Variants in KLF12 observed in about 807,000 individuals in gnomAD.
KLF12 encodes Krueppel-like factor 12.
KLF12 carries 9 observed loss-of-function variants against 37.8 expected under a neutral mutation model. The observed-to-expected ratio is 0.24, with a 90% CI of 0.14 to 0.42. The LOEUF is 0.42. Among genes scored for constraint, KLF12 ranks in the 10% least tolerant of loss-of-function variants. KLF12 has a pLI of 1.00. For synonymous variants in KLF12, 208 were observed against 202.1 expected (o/e 1.03, Z -0.25); for missense variants, 411 against 516.0 (o/e 0.80, Z 1.97).
At chr13:74,014,007 C>G (rs1002886221) in intron 1 of KLF12, among the ~76,000 whole-genome samples, 9 of 152,106 alleles carry the variant, frequency 5.9e-5, no homozygotes, top group Admixed American at 5.2e-4. Context: ...AAACACTCAC[C>G]TGGAATTATT....
the KLF12 span, among the ~76,000 whole-genome samples, chr13:74,184,367 G>A: frequency 9.1e-4 from 138 of 152,074 alleles, 8 homozygotes; most frequent in South Asian, 2.1e-4. Flanking sequence ...ACTTCTGTGA[G>A]AGCCAGAAAT....
intron 3 of KLF12, among the ~76,000 whole-genome samples, chr13:73,896,071 T>G (rs1043584904): frequency 2.6e-5 from 4 of 152,160 alleles, no homozygotes; most frequent in Admixed American, 1.3e-4. Flanking sequence ...TCCACCCACC[T>G]TGGCCTCCTA....
intron 1 of KLF12, among the ~76,000 whole-genome samples, chr13:74,022,950 G>A (rs1229274851): frequency 1.4e-5 from 1 of 74,004 alleles, no homozygotes; most frequent in African/African-American, 5.2e-5. Flanking sequence ...CCAAATGGCA[G>A]GCTGCATCCC....
chr13:74,207,001 T>C, the KLF12 span, among the ~76,000 whole-genome samples: 2 of 152,174 alleles, frequency 1.3e-5, no homozygotes, highest in Non-Finnish European at 2.9e-5. Flanking sequence ...GAACAGAAAT[T>C]TATTGGCTCA....
intron 3 of KLF12, among the ~76,000 whole-genome samples, chr13:73,907,374 T>C (rs1888351338): frequency 2.0e-5 from 3 of 152,146 alleles, no homozygotes; most frequent in South Asian, 4.1e-4. Flanking sequence ...TCATACAGCA[T>C]TCTCCACATT....
chr13:74,123,684 T>A (rs1176329166), intron 1 of KLF12, among the ~76,000 whole-genome samples: 1 of 152,210 alleles, frequency 6.6e-6, no homozygotes, highest in Non-Finnish European at 1.5e-5. Flanking sequence ...TGGAAGAAGG[T>A]AAAAATTCAT....
At chr13:73,857,324 G>A (rs1184151989) in intron 3 of KLF12, among the ~76,000 whole-genome samples, 1 of 152,160 alleles carries the variant, frequency 6.6e-6, no homozygotes, top group South Asian at 2.1e-4. Context: ...AGAAAACTTT[G>A]TTAGATGACT....
chr13:74,255,719 G>C, the KLF12 span, among the ~76,000 whole-genome samples: 1 of 152,072 alleles, frequency 6.6e-6, no homozygotes, highest in African/African-American at 2.4e-5. Flanking sequence ...TTGTATATAG[G>C]AGAACTAACT....
intron 6 of KLF12, among the ~76,000 whole-genome samples, chr13:73,762,250 G>C (rs1879612537): frequency 2.0e-5 from 3 of 152,156 alleles, no homozygotes; most frequent in Non-Finnish European, 4.4e-5. Flanking sequence ...TTCAATTCCA[G>C]TGGATTTTGT....
At chr13:73,786,435 C>T (rs1383317702) in intron 5 of KLF12, among the ~76,000 whole-genome samples, 1 of 152,086 alleles carries the variant, frequency 6.6e-6, no homozygotes, top group Non-Finnish European at 1.5e-5. Context: ...CATGTTCTAC[C>T]CCTAACCCAC....
chr13:74,097,574 T>C (rs533255359), intron 1 of KLF12, among the ~76,000 whole-genome samples: 1 of 152,284 alleles, frequency 6.6e-6, no homozygotes, highest in South Asian at 2.1e-4. Context: ...CATATGCTGC[T>C]GAGATTCACT....
intron 1 of KLF12, among the ~76,000 whole-genome samples, chr13:74,115,597 C>T (rs556756436): frequency 4.0e-5 from 6 of 151,376 alleles, no homozygotes; most frequent in East Asian, 1.9e-4. Context: ...CCCAGCTATT[C>T]GGGAGGCTGA....
the KLF12 span, among the ~76,000 whole-genome samples, chr13:74,169,653 A>G: frequency 6.6e-6 from 1 of 152,244 alleles, no homozygotes; most frequent in African/African-American, 2.4e-5. Flanking sequence ...ATTGAAGTAT[A>G]TCCCTTTTAC....
chr13:73,932,025 G>GT (rs1889708997), intron 3 of KLF12, among the ~76,000 whole-genome samples: 1 of 148,294 alleles, frequency 6.7e-6, no homozygotes, highest in Admixed American at 6.7e-5. Context: ...TGTAACCACA[G>GT]TTAAAAAAAA....
chr13:74,142,242 G>A, the KLF12 span, among the ~76,000 whole-genome samples: 2 of 152,174 alleles, frequency 1.3e-5, no homozygotes, highest in African/African-American at 4.8e-5. Flanking sequence ...ATGAATTTAC[G>A]TGTCTTTGAG....
the KLF12 span, among the ~76,000 whole-genome samples, chr13:74,213,635 TTTCC>T: frequency 1.4e-5 from 2 of 141,000 alleles, no homozygotes; most frequent in Non-Finnish European, 1.5e-5. Flanking sequence ...CCCTCCCTTC[TTTCC>T]TCCCTTCCTT....
At chr13:73,699,098 C>T (rs2137565000) in intron 7 of KLF12, among the ~76,000 whole-genome samples, 1 of 152,130 alleles carries the variant, frequency 6.6e-6, no homozygotes, top group Middle Eastern at 3.4e-3. Flanking sequence ...GTGGCTCAGG[C>T]TTATAATCCC....
At chr13:73,700,680 A>G (rs1874487739) in intron 7 of KLF12, among the ~76,000 whole-genome samples, 1 of 152,136 alleles carries the variant, frequency 6.6e-6, no homozygotes, top group Admixed American at 6.5e-5. Context: ...GTCCAGCCAG[A>G]GAGCTCAAGA....
chr13:73,752,838 T>G (rs901104344), intron 6 of KLF12, among the ~76,000 whole-genome samples: 11 of 151,712 alleles, frequency 7.3e-5, no homozygotes, highest in African/African-American at 2.7e-4. Context: ...TGCCTCAGCC[T>G]CCTAGGTAGC....
Sources: gnomAD v4.1 joint callset for allele counts (sites outside exome capture counted in the v4.1 genomes callset) on GRCh38, gnomAD v4.1.1 for gene constraint, MANE v1.5 for transcripts, NCBI Gene and HGNC (gene_info 2026-07-23, HGNC 2026-07-21) for gene names.